Variants in CAST observed in about 807,000 individuals in gnomAD.
CAST encodes the protein MIR583 host.
In CAST, 76 loss-of-function variants were observed where a neutral mutation model predicts 119.6. The observed-to-expected ratio is 0.64, with a 90% CI of 0.53 to 0.77. The LOEUF (loss-of-function observed/expected upper bound fraction) is 0.77. Ranked by LOEUF, CAST falls within the 30% of genes least tolerant of loss-of-function variation. The probability of loss-of-function intolerance (pLI) is 0.00; values close to 1 mark genes in which losing one functional copy is unlikely to be tolerated. For synonymous variants in CAST, 319 were observed against 331.6 expected (o/e 0.96, Z 0.41); for missense variants, 953 against 946.5 (o/e 1.01, Z -0.09).
the CAST span, chr5:96,412,555 A>C: frequency 2.9e-6 from 4 of 1,374,176 alleles, no homozygotes; most frequent in African/African-American, 5.7e-5. Context: ...ACAAAAGCCC[A>C]ATACTCTTAC....
chr5:96,018,599 C>T, the CAST span, among the ~76,000 whole-genome samples: 1 of 152,104 alleles, frequency 6.6e-6, no homozygotes, highest in African/African-American at 2.4e-5. Flanking sequence ...AGCAAAGTTG[C>T]CTTGAAACTT....
the CAST span, among the ~76,000 whole-genome samples, chr5:96,460,850 A>C: frequency 9.2e-5 from 14 of 152,242 alleles, no homozygotes; most frequent in African/African-American, 3.1e-4. Flanking sequence ...ATAGACCACA[A>C]ATTTTTTAGA....
the CAST span, among the ~76,000 whole-genome samples, chr5:96,322,627 C>A: frequency 1.3e-5 from 2 of 152,112 alleles, no homozygotes; most frequent in African/African-American, 4.8e-5. Flanking sequence ...TCCCATCCAC[C>A]CAAATGTGCA....
At chr5:96,512,785 A>G in the CAST span, among the ~76,000 whole-genome samples, 3 of 152,250 alleles carry the variant, frequency 2.0e-5, no homozygotes, top group African/African-American at 4.8e-5. Flanking sequence ...TAGTATTAAT[A>G]TCAGTAATTA....
intron 25 of CAST, chr5:96,762,820 G>A (rs541103680): frequency 1.1e-5 from 3 of 268,644 alleles, no homozygotes; most frequent in South Asian, 1.3e-4. Flanking sequence ...TTTTACAAAC[G>A]TCATGGAATA....
chr5:96,421,993 TAAA>T, the CAST span: 18,137 of 346,502 alleles, frequency 0.052, 13 homozygotes, highest in East Asian at 0.08. Flanking sequence ...GTGGCAGCAT[TAAA>T]AAAAAAAAAA....
At chr5:96,240,023 A>T in the CAST span, among the ~76,000 whole-genome samples, 1 of 152,204 alleles carries the variant, frequency 6.6e-6, no homozygotes, top group Non-Finnish European at 1.5e-5. Flanking sequence ...GGGAACATGA[A>T]GCATAAGTTT....
chr5:96,103,526 G>A, the CAST span, among the ~76,000 whole-genome samples: 1 of 151,048 alleles, frequency 6.6e-6, no homozygotes, highest in South Asian at 2.1e-4. Flanking sequence ...CAAAGGACAT[G>A]AACTCATCAT....
the CAST span, among the ~76,000 whole-genome samples, chr5:96,066,551 C>T: frequency 6.6e-6 from 1 of 152,050 alleles, no homozygotes; most frequent in Admixed American, 6.6e-5. Flanking sequence ...ATATCTCTTA[C>T]TACTTCAGCC....
chr5:96,570,533 A>T (rs1746550129), intron 1 of CAST, among the ~76,000 whole-genome samples: 1 of 152,170 alleles, frequency 6.6e-6, no homozygotes, highest in South Asian at 2.1e-4. Flanking sequence ...GCCAAGAAAA[A>T]TAGAGATGAA....
chr5:96,279,115 T>C, the CAST span, among the ~76,000 whole-genome samples: 1 of 152,198 alleles, frequency 6.6e-6, no homozygotes, highest in African/African-American at 2.4e-5. Flanking sequence ...CTGGAAACAC[T>C]TGGTCTCTCG....
the CAST span, among the ~76,000 whole-genome samples, chr5:96,312,590 T>C: frequency 6.6e-6 from 1 of 152,134 alleles, no homozygotes; most frequent in African/African-American, 2.4e-5. Context: ...GTCTTGGTTT[T>C]GTGGTTTGAA....
intron 19 of CAST, among the ~76,000 whole-genome samples, chr5:96,749,484 A>G (rs1046734916): frequency 3.3e-5 from 5 of 152,232 alleles, no homozygotes; most frequent in African/African-American, 4.8e-5. Context: ...ATAGGCTTCC[A>G]TAAAAGTCTA....
intron 1 of CAST, among the ~76,000 whole-genome samples, chr5:96,625,036 T>G (rs3853205): frequency 0.11 from 17,429 of 152,270 alleles, 1,412 homozygotes; most frequent in East Asian, 0.29. Context: ...TGATGATGCC[T>G]TATTTGGGTG....
At chr5:96,438,504 G>A in the CAST span, among the ~76,000 whole-genome samples, 5 of 151,958 alleles carry the variant, frequency 3.3e-5, no homozygotes, top group African/African-American at 1.2e-4. Flanking sequence ...TTTTATCTTT[G>A]TCTCTCACAA....
At chr5:96,402,603 C>G in the CAST span, among the ~76,000 whole-genome samples, 1 of 152,172 alleles carries the variant, frequency 6.6e-6, no homozygotes. Context: ...TGAGATGACC[C>G]TCAAGTCTGT....
the CAST span, among the ~76,000 whole-genome samples, chr5:95,996,009 C>T: frequency 3.3e-5 from 5 of 152,200 alleles, no homozygotes; most frequent in Middle Eastern, 3.4e-3. Context: ...TTTTGATCTC[C>T]GTATTTTCAC....
the CAST span, among the ~76,000 whole-genome samples, chr5:95,999,336 C>T: frequency 6.6e-6 from 1 of 151,960 alleles, no homozygotes; most frequent in East Asian, 1.9e-4. Flanking sequence ...ATGGATACGC[C>T]ATATTCAGTA....
chr5:96,249,924 T>A, the CAST span, among the ~76,000 whole-genome samples: 19 of 152,252 alleles, frequency 1.2e-4, no homozygotes, highest in Admixed American at 5.2e-4. Flanking sequence ...AACCTACCCA[T>A]GAGAAGCCGG....
Sources: gnomAD v4.1 joint callset for allele counts (sites outside exome capture counted in the v4.1 genomes callset) on GRCh38, gnomAD v4.1.1 for gene constraint, MANE v1.5 for transcripts, NCBI Gene and HGNC (gene_info 2026-07-23, HGNC 2026-07-21) for gene names.